The following MMP16 variants were observed in gnomAD, a reference collection of about 807,000 sequenced individuals.
MMP16 encodes matrix metallopeptidase 16, also known as matrix metalloproteinase-16.
Under a neutral mutation model 67.8 loss-of-function variants are expected in MMP16, and 12 were observed. That is an observed-to-expected ratio of 0.18 (90% CI 0.11 to 0.29). The LOEUF (loss-of-function observed/expected upper bound fraction) is 0.29. Ranked by LOEUF, MMP16 falls within the 10% of genes least tolerant of loss-of-function variation. MMP16 has a pLI of 1.00. For synonymous variants in MMP16, 249 were observed against 255.9 expected, an observed-to-expected ratio of 0.97 and a Z score of 0.26; for missense variants, 475 against 765.7, an observed-to-expected ratio of 0.62 and a Z score of 4.48.
intron 6 of MMP16, among the ~76,000 whole-genome samples, chr8:88,101,623 CAG>C (rs919758201): frequency 2.6e-5 from 4 of 151,856 alleles, no homozygotes; most frequent in Non-Finnish European, 5.9e-5. Context: ...CCAAAGAATG[CAG>C]AGACTCAGCA....
At chr8:88,185,498 G>A (rs1809059462) in intron 3 of MMP16, among the ~76,000 whole-genome samples, 1 of 152,086 alleles carries the variant, frequency 6.6e-6, no homozygotes, top group Non-Finnish European at 1.5e-5. Flanking sequence ...ACATGTTCCA[G>A]TTATATAAGT....
At chr8:88,137,982 A>G (rs1268917973) in intron 4 of MMP16, among the ~76,000 whole-genome samples, 2 of 152,012 alleles carry the variant, frequency 1.3e-5, no homozygotes, top group African/African-American at 4.8e-5. Flanking sequence ...CCTTTGCAAT[A>G]TATTTCATTT....
At chr8:88,099,109 T>A (rs766509936) in intron 6 of MMP16, among the ~76,000 whole-genome samples, 2 of 151,800 alleles carry the variant, frequency 1.3e-5, no homozygotes, top group Non-Finnish European at 2.9e-5. Context: ...ATGTACATGT[T>A]CTAAATTTCA....
chr8:88,044,797 C>T lies in MMP16; in HGVS notation c.1489+1872G>A, dbSNP rs575118683. Among the ~76,000 whole-genome samples the T allele has an allele frequency of 3.3e-5, 5 of 152,224 alleles. No individual in the cohort carries two copies. The East Asian group carries it at 7.7e-4, about 24-fold the overall frequency. ...CTGTGTTCTATTTTTTACTCTTACA[C>T]GTTTATTAGTAAGAAGTTGCTATTT... On this transcript the variant is annotated intron_variant, in intron 9 of 9. Coordinates refer to ENST00000286614, the MANE Select transcript of MMP16 (RefSeq NM_005941.5).
chr8:88,097,716 C>T (rs1306658820), intron 6 of MMP16, among the ~76,000 whole-genome samples: 3 of 150,806 alleles, frequency 2.0e-5, no homozygotes, highest in African/African-American at 4.9e-5. Context: ...TTCCAACCTG[C>T]AAATGAAAAT....
At chr8:88,177,219 G>A in intron 3 of MMP16, among the ~76,000 whole-genome samples, 1 of 152,160 alleles carries the variant, frequency 6.6e-6, no homozygotes. Flanking sequence ...TATTTCGTAT[G>A]TTGGTTTTTT....
intron 3 of MMP16, among the ~76,000 whole-genome samples, chr8:88,180,403 C>G (rs1019706323): frequency 6.6e-6 from 1 of 151,160 alleles, no homozygotes; most frequent in African/African-American, 2.4e-5. Flanking sequence ...AAACCTGCCT[C>G]AAATATGAGG....
At chr8:88,106,883 C>T (rs964947739) in intron 6 of MMP16, among the ~76,000 whole-genome samples, 4 of 150,910 alleles carry the variant, frequency 2.7e-5, no homozygotes, top group African/African-American at 9.7e-5. Context: ...ATATTTTCAG[C>T]CATGTAGAAA....
At chr8:88,075,772 A>G (rs1422933635) in intron 6 of MMP16, among the ~76,000 whole-genome samples, 2 of 152,156 alleles carry the variant, frequency 1.3e-5, no homozygotes, top group Non-Finnish European at 2.9e-5. Flanking sequence ...AGACAAGTAT[A>G]TATCACAAAA....
In MMP16 at chr8:88,263,023, C is replaced by CAAATAAATAAAT. The variant is rs35062853; in HGVS notation, c.132+64040_132+64051dup. 7.2e-3 allele frequency among the ~76,000 whole-genome samples: 1,057 copies of CAAATAAATAAAT among 146,658 alleles called. 16 individuals carry two copies. The highest frequency in any genetic ancestry group is 0.022 in the African/African-American group (844 of 39,080). On this transcript the variant is annotated intron_variant, in intron 1 of 9. Transcript: ENST00000286614. ...CTGGCGACAGAGCAAGACTCCGTCT[C>CAAATAAATAAAT]AAATAAATAAATAAATAAATAAATA...
At position 88,177,587 on chromosome 8, in the gene MMP16, C is replaced by T. The variant is rs184596583; in HGVS notation, c.404+8889G>A. Among the ~76,000 whole-genome samples the T allele has an allele frequency of 2.7e-3, 416 of 152,250 alleles. 5 individuals are homozygous for T. The Middle Eastern group carries it at 0.048, about 17-fold the overall frequency. ...ATCTGAGAAAGATCCTCTCCTGCTT[C>T]CAGCATGGGGAGGAAAAAAAGCAAC... On this transcript the variant is annotated intron_variant, in intron 3 of 9. Coordinates refer to ENST00000286614, the MANE Select transcript of MMP16 (RefSeq NM_005941.5).
chr8:88,067,426 TA>T (rs371726042), intron 7 of MMP16, among the ~76,000 whole-genome samples: 1 of 152,096 alleles, frequency 6.6e-6, no homozygotes, highest in African/African-American at 2.4e-5. Context: ...AGCTTCTTGT[TA>T]AAAAAACAGT....
At chr8:88,325,247 G>C (rs75369284) in intron 1 of MMP16, among the ~76,000 whole-genome samples, 2,824 of 152,240 alleles carry the variant, frequency 0.019, 77 homozygotes, top group African/African-American at 0.064. Context: ...TGAACTTACT[G>C]AGGGATTCCA....
Position 88,292,502 on chromosome 8 carries a change from G to A in MMP16, c.132+34573C>T, listed in dbSNP as rs543154023. Among the ~76,000 whole-genome samples the A allele has an allele frequency of 7.2e-5, 11 of 152,238 alleles. No individual in the cohort carries two copies. In the East Asian group the frequency reaches 2.1e-3, roughly 29 times the overall value. On this transcript the variant is annotated intron_variant, in intron 1 of 9. Coordinates refer to ENST00000286614, the MANE Select transcript of MMP16 (RefSeq NM_005941.5). ...GATCAAACAGTCTTGAAATAATACT[G>A]GCTGTTATGTACCCAAATTGCAGGA...
chr8:88,167,932 C>G lies in MMP16; in HGVS notation c.446G>C (p.Arg149Pro). ...ATCAAAGGCACGGCGAATAGCTTTA[C>G]GAGTCTCAGGGTCTCCTACTTTTGG... Reference protein sequence around the residue: ...VTPKVGDPETRKAIRRAFDVW... With the variant: ...VTPKVGDPETPKAIRRAFDVW... The change falls in exon 4 of 10, where the codon CGT (arginine) becomes CCT (proline). Residue 149 changes from arginine to proline, a missense_variant. Physicochemically the swap from Arg to Pro is moderately radical, Grantham distance 103 (BLOSUM62 -2). Around this residue, in one of 5 missense-constraint regions of MMP16, gnomAD observed 170 missense variants for 239.6 expected, o/e 0.71. Transcript: ENST00000286614. 1.2e-6 allele frequency: 2 copies of G among 1,613,716 alleles called. No homozygotes were observed. Among genetic ancestry groups the G allele is most frequent in the Non-Finnish European group, 1.7e-6 (2 of 1,179,764 alleles).
intron 6 of MMP16, among the ~76,000 whole-genome samples, chr8:88,088,228 G>GAT (rs1157387987): frequency 6.6e-6 from 1 of 150,418 alleles, no homozygotes; most frequent in South Asian, 2.1e-4. Context: ...AGCCCCTATA[G>GAT]ATATATATAG....
intron 4 of MMP16, among the ~76,000 whole-genome samples, chr8:88,127,336 G>A (rs1807951776): frequency 6.6e-6 from 1 of 151,796 alleles, no homozygotes; most frequent in Admixed American, 6.6e-5. Context: ...GATGCAATAT[G>A]AAATGATTGA....
intron 9 of MMP16, among the ~76,000 whole-genome samples, chr8:88,045,761 C>G (rs1808192079): frequency 6.6e-6 from 1 of 152,078 alleles, no homozygotes; most frequent in South Asian, 2.1e-4. Flanking sequence ...TTTCTCTTCC[C>G]TGCCCCTAGA....
chr8:88,291,390 C>T (rs1426903362), intron 1 of MMP16, among the ~76,000 whole-genome samples: 1 of 152,152 alleles, frequency 6.6e-6, no homozygotes, highest in African/African-American at 2.4e-5. Context: ...CCCAAATTAA[C>T]ATAGAATACC....
Sources: gnomAD v4.1 joint callset for allele counts (sites outside exome capture counted in the v4.1 genomes callset) on GRCh38, gnomAD v4.1.1 for gene constraint, gnomAD v4.1.1 regional missense constraint, MANE v1.5 for transcripts, NCBI Gene and HGNC (gene_info 2026-07-23, HGNC 2026-07-21) for gene names.